Variants in NUP155 observed in about 807,000 individuals in gnomAD.
NUP155 encodes the protein nuclear pore complex protein Nup155.
Under a neutral mutation model 180.4 loss-of-function variants are expected in NUP155, and 71 were observed. The ratio of observed to expected loss-of-function variants is 0.39; its 90% CI spans 0.33 to 0.48. The LOEUF (loss-of-function observed/expected upper bound fraction) is 0.48. NUP155 is among the 20% of genes least tolerant of loss of function. The pLI is 0.91. For synonymous variants in NUP155, 582 were observed against 559.5 expected (o/e 1.04, Z -0.57); for missense variants, 1,553 against 1,648.9 (o/e 0.94, Z 1.01).
rs907950904 is a variant in NUP155, at chr5:37,292,114, T to C, written c.4038-76A>G. ...CTGCAGGACTTCTTCCCCACCAACT[T>C]CTGGCAACTTTAATTCTCACAGGAG... On this transcript the variant is annotated intron_variant, in intron 34 of 34. Coordinates refer to ENST00000231498, the MANE Select transcript of NUP155 (RefSeq NM_153485.3). 7 of 1,402,978 alleles carry C rather than the reference T, an allele frequency of 5.0e-6. No homozygotes were observed. In the Admixed American group the frequency reaches 5.1e-5, roughly 10 times the overall value. The allele number at this position is 1,402,978 out of a possible 1,614,324, so 86.9% of individuals were successfully genotyped here. A position where few individuals can be genotyped will look rare whatever the true frequency, so the allele number is the denominator to read the frequency against.
chr5:37,309,277 G>C lies in NUP155; in HGVS notation c.2629-10C>G. On this transcript the variant is annotated splice_polypyrimidine_tract_variant and intron_variant, in intron 23 of 34. Transcript: ENST00000231498. ...GGAGAAGCTCATTTGCCTAGAAGAG[G>C]AGATAACAAGAACTTAAAAATATAT... 1 of 1,571,102 alleles carries C rather than the reference G, an allele frequency of 6.4e-7. No individual in the cohort carries two copies. Among genetic ancestry groups the C allele is most frequent in the Non-Finnish European group, 8.7e-7 (1 of 1,147,698 alleles).
intron 27 of NUP155, 116 bp downstream of exon 27, chr5:37,304,623 A>T (rs1743051889): frequency 1.3e-6 from 1 of 765,884 alleles, no homozygotes; most frequent in Admixed American, 2.1e-5. Flanking sequence ...TTATACTAAC[A>T]TCTAATAGCA....
At chr5:37,298,744 T>G (rs1742711941) in intron 32 of NUP155, 124 bp downstream of exon 32, 1 of 686,670 alleles carries the variant, frequency 1.5e-6, no homozygotes, top group Non-Finnish European at 2.6e-6. Context: ...GAGGCAGAAT[T>G]AAAGTGCTGA....
In NUP155 at chr5:37,333,519, C is replaced by G; in HGVS notation, c.1462G>C (p.Val488Leu). The change falls in exon 13 of 35, where the codon GTT becomes CTT. Residue 488 changes from valine (V) to leucine (L), a missense_variant. Physicochemically the swap from Val to Leu is conservative, Grantham distance 32. Transcript: ENST00000231498. Reference sequence around the variant, plus strand: ...GGTAACATGTGCTGCTGTACAACAACTGGTGAATCAGTTATTGGAATATGA... The same window carrying G: ...GGTAACATGTGCTGCTGTACAACAAGTGGTGAATCAGTTATTGGAATATGA... ...KDHIPITDSP[V>L]VVQQHMLPPK... 1 of 1,614,110 alleles carries G rather than the reference C, an allele frequency of 6.2e-7. No individual in the cohort carries two copies. Among genetic ancestry groups the G allele is most frequent in the South Asian group, 1.1e-5 (1 of 91,086 alleles).
chr5:37,316,025 G>T (rs1240390917), intron 21 of NUP155, among the ~76,000 whole-genome samples: 1 of 152,130 alleles, frequency 6.6e-6, no homozygotes, highest in Non-Finnish European at 1.5e-5. Flanking sequence ...ATTAGTAATA[G>T]AATTACCATA....
At position 37,327,704 on chromosome 5, in the gene NUP155, C is replaced by T. The variant is rs1249318727; in HGVS notation, c.1949G>A (p.Ser650Asn). 3.1e-6 allele frequency: 5 copies of T among 1,614,104 alleles called. No individual in the cohort carries two copies. The highest frequency in any genetic ancestry group is 3.3e-5 in the Admixed American group (2 of 60,016). Reference sequence around the variant, plus strand: ...CACAATCTCTGGTCCAGTCACACAACTCATATTTGTGGCCTGAGTTGCTGG... The same window carrying T: ...CACAATCTCTGGTCCAGTCACACAATTCATATTTGTGGCCTGAGTTGCTGG... ...GNPATQATNM[S>N]CVTGPEIVYS... is the part of the protein sequence containing the mutation. Residue 650 changes from serine (S) to asparagine (N), a missense_variant, in exon 18 of 35, where the codon AGT becomes AAT. Transcript: ENST00000231498.
chr5:37,355,225 T>C (rs954885903), intron 4 of NUP155, among the ~76,000 whole-genome samples: 9 of 152,034 alleles, frequency 5.9e-5, no homozygotes, highest in African/African-American at 2.2e-4. Context: ...AAAAGGTACA[T>C]TTGGCTGCAC....
chr5:37,343,595 T>C (rs1351032319), intron 9 of NUP155, among the ~76,000 whole-genome samples: 5 of 151,714 alleles, frequency 3.3e-5, no homozygotes, highest in African/African-American at 1.2e-4. Flanking sequence ...TACTGCTAAT[T>C]AAAAAAGGAG....
chr5:37,304,470 T>C (rs912558904), intron 27 of NUP155, among the ~76,000 whole-genome samples: 1 of 152,090 alleles, frequency 6.6e-6, no homozygotes, highest in South Asian at 2.1e-4. Flanking sequence ...AGAGTTAAGA[T>C]AAGATGACCT....
intron 9 of NUP155, among the ~76,000 whole-genome samples, chr5:37,346,464 G>C (rs1031695758): frequency 1.3e-5 from 2 of 152,068 alleles, no homozygotes; most frequent in African/African-American, 4.8e-5. Flanking sequence ...CTCAGGTCAG[G>C]AGGTCGAGAC....
chr5:37,303,922 A>G (rs1057056560), intron 27 of NUP155, among the ~76,000 whole-genome samples: 2 of 151,932 alleles, frequency 1.3e-5, no homozygotes, highest in Admixed American at 1.3e-4. Flanking sequence ...ACTTCAGCCT[A>G]AGCTACAGAT....
chr5:37,362,480 C>T (rs1326380641), intron 3 of NUP155, among the ~76,000 whole-genome samples: 2 of 151,804 alleles, frequency 1.3e-5, no homozygotes, highest in African/African-American at 4.8e-5. Flanking sequence ...TAGAGATGGG[C>T]TTTCTCCATG....
chr5:37,332,392 G>T (rs1745036342), intron 13 of NUP155, among the ~76,000 whole-genome samples: 1 of 141,584 alleles, frequency 7.1e-6, no homozygotes, highest in Non-Finnish European at 1.5e-5. Flanking sequence ...CGCAATCTCG[G>T]CTCACTGCAA....
rs1482941588 is a variant in NUP155 at position 37,289,560 on chromosome 5, AG to A, written c.*2339del. ...TCTCTTAGGAATCTTACCCCCCAAA[AG>A]GTATTGCAAGCATCTGTTGTGGGGC... On this transcript the variant is annotated 3_prime_UTR_variant, in exon 35 of 35. Transcript: ENST00000231498. The A allele has an allele frequency of 5.9e-5, 9 of 152,170 alleles. No individual in the cohort carries two copies. Among genetic ancestry groups the A allele is most frequent in the Non-Finnish European group, 5.9e-5 (4 of 68,024 alleles). 9.4% of individuals were successfully genotyped at this position (152,170 alleles called of 1,614,324 possible).
intron 9 of NUP155, among the ~76,000 whole-genome samples, chr5:37,346,470 G>A (rs1229156873): frequency 2.6e-5 from 4 of 151,926 alleles, no homozygotes; most frequent in East Asian, 1.9e-4. Context: ...TCAGGAGGTC[G>A]AGACCAGCCT....
intron 8 of NUP155, 137 bp from the exon 9 acceptor site, chr5:37,348,733 A>G (rs1463129129): frequency 7.3e-6 from 5 of 683,280 alleles, no homozygotes; most frequent in Admixed American, 2.3e-5. Flanking sequence ...ATTTCATAGA[A>G]AGGGGACCCT....
At chr5:37,317,172 A>AAAAT (rs912783660) in intron 21 of NUP155, among the ~76,000 whole-genome samples, 2 of 150,058 alleles carry the variant, frequency 1.3e-5, no homozygotes, top group East Asian at 4.0e-4. Flanking sequence ...CTGTCTCAAA[A>AAAAT]AAATAAATAA....
chr5:37,324,149 C>T (rs564018195), intron 19 of NUP155, 42 bp from the exon 20 acceptor site: 170 of 1,122,978 alleles, frequency 1.5e-4, no homozygotes, highest in East Asian at 1.4e-4. Context: ...AAAACACACC[C>T]TCTGTATAGC....
intron 30 of NUP155, among the ~76,000 whole-genome samples, chr5:37,299,829 T>G (rs1262507922): frequency 6.6e-6 from 1 of 150,920 alleles, no homozygotes; most frequent in Non-Finnish European, 1.5e-5. Flanking sequence ...GATCGGGAGA[T>G]GGAGACCATC....
Sources: gnomAD v4.1 joint callset for allele counts (sites outside exome capture counted in the v4.1 genomes callset) on GRCh38, gnomAD v4.1.1 for gene constraint, MANE v1.5 for transcripts, NCBI Gene and HGNC (gene_info 2026-07-23, HGNC 2026-07-21) for gene names.